MBD3: variants seen among roughly 807,000 people sequenced by gnomAD.
MBD3 encodes the protein methyl-CpG binding domain protein 3, also known as methyl-CpG-binding domain protein 3.
Under a neutral mutation model 31.2 loss-of-function variants are expected in MBD3, and 13 were observed. The observed-to-expected ratio is 0.42, with a 90% CI of 0.27 to 0.66. The LOEUF (loss-of-function observed/expected upper bound fraction) is 0.66, where lower values mean the gene tolerates loss of function less well. Ranked by LOEUF, MBD3 falls within the 30% of genes least tolerant of loss-of-function variation. The probability of loss-of-function intolerance (pLI) is 0.26; values close to 1 mark genes in which losing one functional copy is unlikely to be tolerated. For missense variants in MBD3, 440 were observed against 426.5 expected (o/e 1.03, Z -0.28); for synonymous variants, 223 against 187.4 (o/e 1.19, Z -1.55).
At position 1,574,211 on chromosome 19, in the gene MBD3, T is replaced by C. The variant is rs1389470543; in HGVS notation, c.*3953A>G. 2.0e-5 allele frequency: 3 copies of C among 151,822 alleles called. No homozygotes were observed. Among genetic ancestry groups the C allele is most frequent in the Non-Finnish European group, 4.4e-5 (3 of 68,128 alleles). 9.4% of individuals were successfully genotyped at this position (151,822 alleles called of 1,614,324 possible). Reference sequence around the variant, plus strand: ...TACTTGGGAGGCTGAGGAGGGAGAATGGCGTGAACCCAGGAGGCAGAGCTT... The same window carrying C: ...TACTTGGGAGGCTGAGGAGGGAGAACGGCGTGAACCCAGGAGGCAGAGCTT... On this transcript the variant is annotated 3_prime_UTR_variant, in exon 7 of 7. Transcript: ENST00000434436.
In MBD3 at chr19:1,592,702, C is replaced by T. The variant is rs1303324665; in HGVS notation, c.-71G>A. On this transcript the variant is annotated 5_prime_UTR_variant, in exon 1 of 7. Coordinates refer to ENST00000434436, the MANE Select transcript of MBD3 (RefSeq NM_001281453.2). ...GGACCCCCACTCGCCGCCGCCGCCT[C>T]AGCTGCCTCCGCTGCCGCTGCCGCC... 2 of 468,540 alleles carry T rather than the reference C, an allele frequency of 4.3e-6. No individual in the cohort carries two copies. Among genetic ancestry groups the T allele is most frequent in the Non-Finnish European group, 5.7e-6 (2 of 350,772 alleles). 29.0% of individuals were successfully genotyped at this position (468,540 alleles called of 1,614,324 possible).
chr19:1,589,981 C>T (rs79853693), intron 1 of MBD3, among the ~76,000 whole-genome samples: 9,460 of 152,180 alleles, frequency 0.062, 402 homozygotes, highest in East Asian at 0.23. Flanking sequence ...AATTAGATAG[C>T]GGTGATGGTT....
intron 1 of MBD3, among the ~76,000 whole-genome samples, chr19:1,588,985 G>A (rs1181244058): frequency 1.3e-5 from 2 of 151,976 alleles, no homozygotes; most frequent in Admixed American, 6.6e-5. Flanking sequence ...CCATTGACTC[G>A]TGCACTTTAA....
intron 1 of MBD3, among the ~76,000 whole-genome samples, chr19:1,589,235 G>T (rs1032267528): frequency 7.3e-5 from 11 of 151,486 alleles, no homozygotes; most frequent in African/African-American, 2.7e-4. Context: ...GGAGGCCGAG[G>T]CAGGAGAATT....
chr19:1,586,699 C>T (rs2060680826), intron 1 of MBD3, among the ~76,000 whole-genome samples: 2 of 149,642 alleles, frequency 1.3e-5, no homozygotes, highest in South Asian at 4.2e-4. Context: ...TGGAGTCTCA[C>T]TCTGTCGCCC....
intron 5 of MBD3, 132 bp downstream of exon 5, chr19:1,580,960 T>C: frequency 1.7e-6 from 2 of 1,195,026 alleles, no homozygotes; most frequent in Admixed American, 2.0e-5. Flanking sequence ...CCCCTTGCCC[T>C]GGCTGTTTCT....
chr19:1,591,153 C>T (rs1195778812), intron 1 of MBD3, among the ~76,000 whole-genome samples: 1 of 152,114 alleles, frequency 6.6e-6, no homozygotes, highest in African/African-American at 2.4e-5. Flanking sequence ...CCCTCCCTGA[C>T]CCCAGTCTCA....
chr19:1,587,695 C>G (rs1252027642), intron 1 of MBD3, among the ~76,000 whole-genome samples: 3 of 152,230 alleles, frequency 2.0e-5, no homozygotes, highest in Non-Finnish European at 4.4e-5. Flanking sequence ...TAGGCGGCAG[C>G]CACTATGCCT....
chr19:1,587,254 C>G (rs906508803), intron 1 of MBD3, among the ~76,000 whole-genome samples: 1 of 152,004 alleles, frequency 6.6e-6, no homozygotes, highest in Non-Finnish European at 1.5e-5. Flanking sequence ...CGTGAGCCAC[C>G]GCGCCCAGCC....
At position 1,576,027 on chromosome 19, in the gene MBD3, G is replaced by GACAGGAGAGAGAGCAAGAA. The variant is rs1413676187; in HGVS notation, c.*2118_*2136dup. The GACAGGAGAGAGAGCAAGAA allele has an allele frequency of 6.6e-6, 1 of 152,602 alleles. No individual in the cohort carries two copies. Among genetic ancestry groups the GACAGGAGAGAGAGCAAGAA allele is most frequent in the East Asian group, 1.9e-4 (1 of 5,214 alleles). The allele number at this position is 152,602 out of a possible 1,614,324, so 9.5% of individuals were successfully genotyped here. On this transcript the variant is annotated 3_prime_UTR_variant, in exon 7 of 7. Transcript: ENST00000434436. Reference sequence around the variant, plus strand: ...ACAGAGACAGAGACCGAGGGAGAGAGACAGGAGAGAGAGCAAGAAACAAAG... The same window carrying GACAGGAGAGAGAGCAAGAA: ...ACAGAGACAGAGACCGAGGGAGAGAGACAGGAGAGAGAGCAAGAAACAGGAGAGAGAGCAAGAAACAAAG...
intron 1 of MBD3, among the ~76,000 whole-genome samples, chr19:1,588,396 C>T (rs1325573294): frequency 6.6e-6 from 1 of 152,128 alleles, no homozygotes. Context: ...CTTCATGTAG[C>T]CACAAGGAAG....
At chr19:1,591,651 G>A (rs1157588732) in intron 1 of MBD3, among the ~76,000 whole-genome samples, 4 of 152,052 alleles carry the variant, frequency 2.6e-5, no homozygotes, top group Non-Finnish European at 5.9e-5. Context: ...CAAGGGGAGG[G>A]CGCAATCAAA....
chr19:1,579,268 G>A (rs374811381), intron 5 of MBD3, among the ~76,000 whole-genome samples: 2 of 148,966 alleles, frequency 1.3e-5, no homozygotes, highest in African/African-American at 4.9e-5. Context: ...CTCGCAGGCC[G>A]GGGGTCACCT....
chr19:1,585,151 G>A lies in MBD3; in HGVS notation c.174C>T (p.Asp58=), dbSNP rs768787216. ...QLARYLGGSM[D]LSTFDFRTGK... is the part of the protein sequence containing the mutation. ...CCGTGCGGAAGTCGAAGGTGCTCAG[G>A]TCCATGGAGCCGCCCAGGTAGCGCG... Residue 58 remains aspartate (D), a synonymous_variant, in exon 2 of 7, where the codon GAC becomes GAT. Coordinates refer to ENST00000434436, the MANE Select transcript of MBD3 (RefSeq NM_001281453.2). The surrounding 1 kb of genome is among the most constrained non-coding windows in gnomAD (Gnocchi z 4.1). 5 of 1,610,660 alleles carry A rather than the reference G, an allele frequency of 3.1e-6. No homozygotes were observed. The Admixed American group carries it at 5.0e-5, about 16-fold the overall frequency.
chr19:1,583,159 G>A (rs770354460), intron 3 of MBD3: 9 of 166,704 alleles, frequency 5.4e-5, no homozygotes, highest in South Asian at 1.4e-4. Flanking sequence ...AGCTGAGACC[G>A]CACCATTGCA....
rs1206909411 is a variant in MBD3 at position 1,589,367 on chromosome 19, A to G, written c.110+3155T>C. 5.3e-5 allele frequency among the ~76,000 whole-genome samples: 8 copies of G among 150,200 alleles called. No individual in the cohort carries two copies. The Admixed American group carries it at 5.3e-4, about 10-fold the overall frequency. Reference sequence around the variant, plus strand: ...CTCAAAAAAAAAAAAAAAAAAAAAAAAGAAGGCAGGCGCAGTGGCTTTCAT... The same window carrying G: ...CTCAAAAAAAAAAAAAAAAAAAAAAGAGAAGGCAGGCGCAGTGGCTTTCAT... On this transcript the variant is annotated intron_variant, in intron 1 of 6. Transcript: ENST00000434436.
Position 1,577,861 on chromosome 19 carries a change from G to A in MBD3, c.*303C>T, listed in dbSNP as rs1277788515. 1.1e-5 allele frequency: 2 copies of A among 178,892 alleles called. No homozygotes were observed. Among genetic ancestry groups the A allele is most frequent in the Non-Finnish European group, 2.4e-5 (2 of 83,752 alleles). The allele number at this position is 178,892 out of a possible 1,614,324, so 11.1% of individuals were successfully genotyped here. A position where few individuals can be genotyped will look rare whatever the true frequency, so the allele number is the denominator to read the frequency against. ...GGAGCTGGGACAGCGGGCATGGGGA[G>A]GAGCTGGCCTCGAGCCCAAAGGTCG... On this transcript the variant is annotated 3_prime_UTR_variant, in exon 7 of 7. Transcript: ENST00000434436.
rs1234039003 is a variant in MBD3 at position 1,587,117 on chromosome 19, C to T, written c.111-1903G>A. ...AGTAGCTGGGACTACAGCTGCCCAC[C>T]ACCACGCCCGGCTAATTTTTTATAT... On this transcript the variant is annotated intron_variant, in intron 1 of 6. Transcript: ENST00000434436. Among the ~76,000 whole-genome samples, 10 of 152,096 alleles carry T rather than the reference C, an allele frequency of 6.6e-5. No individual in the cohort carries two copies. The South Asian group carries it at 1.9e-3, about 28-fold the overall frequency.
chr19:1,585,927 G>A lies in MBD3; in HGVS notation c.111-713C>T. ...GACCTGCTCTCAGACACGGGGCTCTGCTCTCAGCCTGCCATGGACAAGCGC... is the reference window on the plus strand; with the variant it reads ...GACCTGCTCTCAGACACGGGGCTCTACTCTCAGCCTGCCATGGACAAGCGC... On this transcript the variant is annotated intron_variant, in intron 1 of 6. Coordinates refer to ENST00000434436, the MANE Select transcript of MBD3 (RefSeq NM_001281453.2). The surrounding 1 kb of genome is among the most constrained non-coding windows in gnomAD (Gnocchi z 4.1). The A allele has an allele frequency of 6.5e-6, 1 of 152,884 alleles. No homozygotes were observed. Among genetic ancestry groups the A allele is most frequent in the Non-Finnish European group, 1.5e-5 (1 of 68,512 alleles). The allele number at this position is 152,884 out of a possible 1,614,324, so 9.5% of individuals were successfully genotyped here. A position where few individuals can be genotyped will look rare whatever the true frequency, so the allele number is the denominator to read the frequency against.
Sources: allele counts gnomAD v4.1 joint callset (sites outside exome capture counted in the v4.1 genomes callset), GRCh38; gene constraint gnomAD v4.1.1; non-coding constraint Gnocchi (gnomAD v3.1); transcripts MANE v1.5; gene names NCBI Gene and HGNC (gene_info 2026-07-23, HGNC 2026-07-21).